ECHDC1: variants seen among roughly 807,000 people sequenced by gnomAD.
ECHDC1 encodes the protein ethylmalonyl-CoA decarboxylase 1.
A neutral mutation model predicts 29.7 loss-of-function variants in ECHDC1; 29 were observed. That is an observed-to-expected ratio of 0.98 (90% confidence interval 0.73 to 1.33). The LOEUF (loss-of-function observed/expected upper bound fraction) is 1.33. Ranked by LOEUF, ECHDC1 falls within the 40% of genes most tolerant of loss-of-function variation. ECHDC1 has a pLI of 0.00. For missense variants in ECHDC1, 328 were observed against 350.0 expected, an observed-to-expected ratio of 0.94 and a Z score of 0.50; for synonymous variants, 126 against 123.1, an observed-to-expected ratio of 1.02 and a Z score of -0.15.
intron 1 of ECHDC1, chr6:127,342,322 T>C: frequency 1.3e-6 from 2 of 1,536,028 alleles, no homozygotes; most frequent in Non-Finnish European, 1.8e-6. Flanking sequence ...AAATCAACTC[T>C]CCAACTACCC....
chr6:127,314,683 AAAAAG>A, intron 5 of ECHDC1, 128 bp downstream of exon 5: 1 of 669,538 alleles, frequency 1.5e-6, no homozygotes, highest in Middle Eastern at 4.1e-4. Context: ...AATGACTGAC[AAAAAG>A]AAAACATTCA....
chr6:127,316,913 C>T (rs191121969), intron 3 of ECHDC1, among the ~76,000 whole-genome samples: 1 of 152,144 alleles, frequency 6.6e-6, no homozygotes, highest in East Asian at 1.9e-4. Context: ...ATTTCTAAGG[C>T]TTTATCTTGG....
At chr6:127,331,952 T>C (rs1289708775) in intron 1 of ECHDC1, 39 of 853,532 alleles carry the variant, frequency 4.6e-5, no homozygotes, top group Non-Finnish European at 5.5e-5. Context: ...TCTTAATTTT[T>C]ACCTCCTGAG....
At chr6:127,328,304 C>T (rs1195703118) in intron 2 of ECHDC1, among the ~76,000 whole-genome samples, 1 of 152,202 alleles carries the variant, frequency 6.6e-6, no homozygotes, top group East Asian at 1.9e-4. Context: ...AAATTCCTAT[C>T]ACCTAGTAAC....
At chr6:127,292,450 G>A (rs1179459748) in intron 5 of ECHDC1, among the ~76,000 whole-genome samples, 1 of 151,842 alleles carries the variant, frequency 6.6e-6, no homozygotes, top group Non-Finnish European at 1.5e-5. Context: ...AATACCTTTT[G>A]TGATCAAAAT....
At chr6:127,311,693 A>AAAAAAGAAAAG (rs1444991156) in intron 5 of ECHDC1, among the ~76,000 whole-genome samples, 1 of 98,134 alleles carries the variant, frequency 1.0e-5, no homozygotes, top group African/African-American at 3.8e-5. Flanking sequence ...AAAAAAAAAA[A>AAAAAAGAAAAG]AAAAAGAAAA....
intron 5 of ECHDC1, among the ~76,000 whole-genome samples, chr6:127,299,032 T>C (rs1320394687): frequency 8.0e-6 from 1 of 124,924 alleles, no homozygotes; most frequent in Non-Finnish European, 1.7e-5. Context: ...TGTGCCACCA[T>C]GCCTGGCTAT....
intron 5 of ECHDC1, among the ~76,000 whole-genome samples, chr6:127,309,619 A>G (rs889073328): frequency 5.3e-5 from 8 of 152,130 alleles, no homozygotes; most frequent in African/African-American, 1.7e-4. Flanking sequence ...TCTTAGGGTC[A>G]CTGTACTTGG....
At chr6:127,331,115 G>T in intron 1 of ECHDC1, 85 bp from the exon 2 acceptor site, 2 of 985,876 alleles carry the variant, frequency 2.0e-6, no homozygotes, top group Non-Finnish European at 3.0e-6. Context: ...CTGTAGTAAT[G>T]GACCCTTCTG....
rs558637444 is a variant in ECHDC1, at chr6:127,303,994, G to A, written c.497+10822C>T. Among the ~76,000 whole-genome samples the A allele has an allele frequency of 8.9e-4, 136 of 152,290 alleles. 2 individuals are homozygous for A. Among genetic ancestry groups the A allele is most frequent in the African/African-American group, 3.2e-3 (133 of 41,568 alleles). Reference sequence around the variant, plus strand: ...CACCACCCTGCAGGGAAGAACACAGGCCTGGATGGCTTTGCCACTTGCTGA... The same window carrying A: ...CACCACCCTGCAGGGAAGAACACAGACCTGGATGGCTTTGCCACTTGCTGA... On this transcript the variant is annotated intron_variant, in intron 5 of 5. Transcript: ENST00000454859.
intron 1 of ECHDC1, among the ~76,000 whole-genome samples, chr6:127,335,714 T>G (rs543579032): frequency 6.6e-6 from 1 of 152,130 alleles, no homozygotes; most frequent in Non-Finnish European, 1.5e-5. Context: ...TGAATTGTGA[T>G]TAATAAGGTT....
chr6:127,319,044 C>T (rs750913669), intron 3 of ECHDC1, among the ~76,000 whole-genome samples: 7 of 152,218 alleles, frequency 4.6e-5, no homozygotes, highest in South Asian at 2.1e-4. Flanking sequence ...ATTTAGATTA[C>T]ATAAAATTCC....
At chr6:127,326,650 A>C (rs1295704103) in intron 3 of ECHDC1, 7 of 387,142 alleles carry the variant, frequency 1.8e-5, no homozygotes, top group Non-Finnish European at 3.7e-5. Flanking sequence ...ATAAACAGAC[A>C]AAGTGGGGCA....
chr6:127,332,799 G>A (rs759882259), intron 1 of ECHDC1, among the ~76,000 whole-genome samples: 5 of 151,708 alleles, frequency 3.3e-5, no homozygotes, highest in Non-Finnish European at 7.4e-5. Context: ...TGGGGGCAGG[G>A]GAGGGGTGTT....
chr6:127,311,984 G>A (rs2114609908), intron 5 of ECHDC1, among the ~76,000 whole-genome samples: 1 of 151,904 alleles, frequency 6.6e-6, no homozygotes, highest in Admixed American at 6.6e-5. Flanking sequence ...TTTCATAAGT[G>A]TATAGTTAGT....
intron 3 of ECHDC1, among the ~76,000 whole-genome samples, chr6:127,323,292 GTGACATAGCTAATTATTAGATCT>G (rs1783001688): frequency 6.6e-6 from 1 of 151,984 alleles, no homozygotes; most frequent in Admixed American, 6.6e-5. Context: ...TGACTTGCAG[GTGACATAGCTAATTATTAGATCT>G]TGGAGGGAAA....
At position 127,339,047 on chromosome 6, in the gene ECHDC1, T is replaced by C. The variant is rs181613877; in HGVS notation, c.-3+4289A>G. On this transcript the variant is annotated intron_variant, in intron 1 of 5. Coordinates refer to ENST00000454859, the MANE Select transcript of ECHDC1 (RefSeq NM_001002030.2). ...AAATAGAAGAGTATCATTCCAAATA[T>C]TGACAGATGTCCTGTTCAGGAATTC... Among the ~76,000 whole-genome samples, 55 of 152,230 alleles carry C rather than the reference T, an allele frequency of 3.6e-4. No homozygotes were observed. In the East Asian group the frequency reaches 3.7e-3, roughly 10 times the overall value.
At chr6:127,330,487 T>C (rs1276585525) in intron 2 of ECHDC1, among the ~76,000 whole-genome samples, 1 of 152,252 alleles carries the variant, frequency 6.6e-6, no homozygotes, top group South Asian at 2.1e-4. Flanking sequence ...TGTTTCCTAG[T>C]AGCATTAGCT....
intron 5 of ECHDC1, 36 bp from the exon 6 acceptor site, chr6:127,290,313 T>C (rs1306769316): frequency 6.3e-7 from 1 of 1,580,162 alleles, no homozygotes; most frequent in African/African-American, 1.4e-5. Flanking sequence ...ATTGTAACTC[T>C]CTCTGTATGC....
Sources: allele counts gnomAD v4.1 joint callset (sites outside exome capture counted in the v4.1 genomes callset), GRCh38; gene constraint gnomAD v4.1.1; transcripts MANE v1.5; gene names NCBI Gene and HGNC (gene_info 2026-07-23, HGNC 2026-07-21).